Variants in NCOR2 observed in about 807,000 individuals in gnomAD.
NCOR2 encodes the protein nuclear receptor corepressor 2.
Under a neutral mutation model 262.9 loss-of-function variants are expected in NCOR2, and 81 were observed. The ratio of observed to expected loss-of-function variants is 0.31; its 90% CI spans 0.26 to 0.37. The LOEUF (loss-of-function observed/expected upper bound fraction) is 0.37, where lower values mean the gene tolerates loss of function less well. NCOR2 is among the 10% of genes least tolerant of loss of function. The pLI is 1.00. For synonymous variants in NCOR2, 1,659 were observed against 1,559.3 expected (o/e 1.06, Z -1.51); for missense variants, 3,385 against 3,621.4 (o/e 0.93, Z 1.68).
In NCOR2 at chr12:124,495,200, G is replaced by T; in HGVS notation, c.52C>A (p.Arg18Ser). The T allele has an allele frequency of 6.2e-7, 1 of 1,613,902 alleles. No homozygotes were observed. Among genetic ancestry groups the T allele is most frequent in the South Asian group, 1.1e-5 (1 of 91,068 alleles). ...TAGGAAAGGCTGTGGGGCGGGTAGCGGGGCTCAGTGGCCCTCCACGTCTGT... is the reference window on the plus strand; with the variant it reads ...TAGGAAAGGCTGTGGGGCGGGTAGCTGGGCTCAGTGGCCCTCCACGTCTGT... Residue 18 changes from arginine to serine, a missense_variant, in exon 1 of 47, where the codon CGC (arginine) becomes AGC (serine). By Grantham distance (110) the Arg-to-Ser change is moderately radical (BLOSUM62 -1). Around this residue, in one of 5 missense-constraint regions of NCOR2, gnomAD observed 237 missense variants for 229.4 expected, o/e 1.03. Coordinates refer to ENST00000405201, the Ensembl canonical transcript of NCOR2. This position sits in a 1 kb window ranked among gnomAD's most constrained non-coding sequence, Gnocchi z 4.4.
chr12:124,385,689 T>C, intron 17 of NCOR2, 56 bp downstream of exon 19: 1 of 1,597,906 alleles, frequency 6.3e-7, no homozygotes, highest in Non-Finnish European at 8.5e-7. Flanking sequence ...CCTGAGGCAG[T>C]CTGGGCTCCT....
At chr12:124,344,655 G>A in exon 32 of NCOR2, 3 of 1,484,964 alleles carry the variant, frequency 2.0e-6, no homozygotes, top group Non-Finnish European at 2.7e-6. Flanking sequence ...GTGGGAGGTG[G>A]CCGGCAAAGG....
At chr12:124,431,651 G>GCACA (rs1330409671) in intron 8 of NCOR2, among the ~76,000 whole-genome samples, 1 of 146,768 alleles carries the variant, frequency 6.8e-6, no homozygotes, top group Non-Finnish European at 1.5e-5. Context: ...ATACATACAG[G>GCACA]CACACACAAG....
chr12:124,349,392 C>A (rs1252988978), intron 28 of NCOR2, among the ~76,000 whole-genome samples: 1 of 152,174 alleles, frequency 6.6e-6, no homozygotes, highest in African/African-American at 2.4e-5. Context: ...TGGCCCACGG[C>A]CCGTGAGCTA....
chr12:124,401,664 C>T (rs1000444602), intron 14 of NCOR2, among the ~76,000 whole-genome samples: 1 of 152,230 alleles, frequency 6.6e-6, no homozygotes, highest in South Asian at 2.1e-4. Context: ...CCTCGATACC[C>T]GAGCTGGGGC....
chr12:124,518,482 C>T (rs1373293074), intron 1 of NCOR2, among the ~76,000 whole-genome samples: 4 of 152,220 alleles, frequency 2.6e-5, no homozygotes, highest in Admixed American at 6.5e-5. Context: ...GGCCCACCGG[C>T]GACAAGTGCG....
chr12:124,347,786 C>A (rs780463234), intron 30 of NCOR2, 39 bp downstream of exon 32: 32 of 1,546,428 alleles, frequency 2.1e-5, no homozygotes, highest in Non-Finnish European at 2.7e-5. Flanking sequence ...GACTGTACAC[C>A]CGTTGGGGGC....
intron 22 of NCOR2, among the ~76,000 whole-genome samples, chr12:124,360,890 C>T (rs1263990): frequency 0.75 from 113,643 of 151,914 alleles, 44,394 homozygotes; most frequent in East Asian, 0.97. Flanking sequence ...TGCTTCGTTA[C>T]GTGTTCCCTG....
chr12:124,333,884 GCA>G (rs1566353452), intron 41 of NCOR2, among the ~76,000 whole-genome samples: 42 of 123,506 alleles, frequency 3.4e-4, no homozygotes, highest in East Asian at 1.5e-3. Context: ...GTGCGGGTGT[GCA>G]TGTGTGTGTG....
chr12:124,386,882 G>A (rs1332104673), intron 16 of NCOR2, among the ~76,000 whole-genome samples: 1 of 152,240 alleles, frequency 6.6e-6, no homozygotes, highest in Non-Finnish European at 1.5e-5. Context: ...GACCTTGTGT[G>A]GCCCAGCCAG....
At chr12:124,456,793 C>G (rs374551951) in intron 6 of NCOR2, among the ~76,000 whole-genome samples, 1 of 152,206 alleles carries the variant, frequency 6.6e-6, no homozygotes, top group Admixed American at 6.5e-5. Context: ...GCAAGCGCAC[C>G]GGCCTACGGA....
At chr12:124,546,349 G>C (rs1394892398) in intron 1 of NCOR2, among the ~76,000 whole-genome samples, 7 of 152,238 alleles carry the variant, frequency 4.6e-5, no homozygotes, top group African/African-American at 1.7e-4. Context: ...CACAGTTTCA[G>C]TATGGTGGTC....
chr12:124,472,354 CT>C (rs1226834228), intron 4 of NCOR2, among the ~76,000 whole-genome samples: 1 of 152,204 alleles, frequency 6.6e-6, no homozygotes, highest in Non-Finnish European at 1.5e-5. Context: ...ATCTCGGGAT[CT>C]TGCTCCCTCC....
Position 124,483,476 on chromosome 12 carries a change from C to A in NCOR2, c.411+120G>T. 1 of 1,159,490 alleles carries A rather than the reference C, an allele frequency of 8.6e-7. No homozygotes were observed. The highest frequency in any genetic ancestry group is 1.7e-5 in the South Asian group (1 of 59,246). The allele number at this position is 1,159,490 out of a possible 1,614,324, so 71.8% of individuals were successfully genotyped here. A position where few individuals can be genotyped will look rare whatever the true frequency, so the allele number is the denominator to read the frequency against. On this transcript the variant is annotated intron_variant, in intron 3 of 46. Transcript: ENST00000405201. The surrounding 1 kb of genome is among the most constrained non-coding windows in gnomAD (Gnocchi z 6.3). Reference sequence around the variant, plus strand: ...TCTGTGCACCCGGTGCTTGGCCCACCTCCAAGCCTTTGCCCGAGCTGCCCC... The same window carrying A: ...TCTGTGCACCCGGTGCTTGGCCCACATCCAAGCCTTTGCCCGAGCTGCCCC...
At chr12:124,521,354 A>G (rs2050176225) in intron 1 of NCOR2, among the ~76,000 whole-genome samples, 1 of 152,238 alleles carries the variant, frequency 6.6e-6, no homozygotes, top group Non-Finnish European at 1.5e-5. Flanking sequence ...TGACCTGGGC[A>G]GCCTCAGTTT....
exon 28 of NCOR2, chr12:124,350,701 T>C (rs753083702): frequency 2.5e-6 from 4 of 1,613,362 alleles, no homozygotes; most frequent in African/African-American, 1.3e-5. Context: ...ATGATCCTGG[T>C]GATGGTGCCC....
At chr12:124,396,827 C>T (rs1047952521) in intron 16 of NCOR2, among the ~76,000 whole-genome samples, 3 of 152,290 alleles carry the variant, frequency 2.0e-5, no homozygotes, top group African/African-American at 7.2e-5. Context: ...CCCAGGAGCC[C>T]CGTGATCCAG....
chr12:124,362,814 G>T (rs2038714449), intron 21 of NCOR2, among the ~76,000 whole-genome samples: 1 of 151,444 alleles, frequency 6.6e-6, no homozygotes, highest in Non-Finnish European at 1.5e-5. Flanking sequence ...TGGTGAACAG[G>T]GGGACCCACC....
rs1412648136 is a variant in NCOR2, at chr12:124,442,904, G to A, written c.816-4908C>T. On this transcript the variant is annotated intron_variant, in intron 7 of 46. Transcript: ENST00000405201. ...GACACACACGGAGGGGAGATGACGC[G>A]AACAGACACGGGAAGAACACCACAC... 3.9e-5 allele frequency among the ~76,000 whole-genome samples: 6 copies of A among 152,256 alleles called. No individual in the cohort carries two copies. The South Asian group carries it at 8.3e-4, about 21-fold the overall frequency.
Sources: gnomAD v4.1 joint callset for allele counts (sites outside exome capture counted in the v4.1 genomes callset) on GRCh38, gnomAD v4.1.1 for gene constraint, gnomAD v4.1.1 regional missense constraint, Gnocchi (gnomAD v3.1) non-coding constraint, MANE v1.5 for transcripts, NCBI Gene and HGNC (gene_info 2026-07-23, HGNC 2026-07-21) for gene names.